Variants in ROBO2 observed in about 807,000 individuals in gnomAD.
ROBO2 encodes the protein roundabout guidance receptor 2.
ROBO2 carries 53 observed loss-of-function variants against 160.8 expected under a neutral mutation model. The ratio of observed to expected loss-of-function variants is 0.33; its 90% CI spans 0.26 to 0.41. The LOEUF is 0.41. ROBO2 is among the 10% of genes least tolerant of loss of function. ROBO2 has a pLI of 1.00. For synonymous variants in ROBO2, 664 were observed against 611.7 expected, an observed-to-expected ratio of 1.09 and a Z score of -1.26; for missense variants, 1,577 against 1,722.4, an observed-to-expected ratio of 0.92 and a Z score of 1.49.
At position 76,434,819 on chromosome 3, in the gene ROBO2, T is replaced by C. The variant is rs529320932; in HGVS notation, c.109+497217T>C. 5.0e-5 allele frequency: 77 copies of C among 1,526,822 alleles called. No homozygotes were observed. In the East Asian group the frequency reaches 1.7e-3, roughly 33 times the overall value. 94.6% of individuals were successfully genotyped at this position (1,526,822 alleles called of 1,614,324 possible). A position where few individuals can be genotyped will look rare whatever the true frequency, so the allele number is the denominator to read the frequency against. On this transcript the variant is annotated intron_variant, in intron 2 of 26. Transcript: ENST00000487694. ...AGAGCATCACACATGCCCTGAATCA[T>C]GTATCTGATGACATGAAGACTCACA...
At chr3:77,002,741 T>C (rs984982773) in intron 2 of ROBO2, among the ~76,000 whole-genome samples, 1 of 152,182 alleles carries the variant, frequency 6.6e-6, no homozygotes, top group Non-Finnish European at 1.5e-5. Flanking sequence ...TAGATAATTA[T>C]TAATTTAATT....
At chr3:76,598,646 C>T (rs574276930) in intron 2 of ROBO2, among the ~76,000 whole-genome samples, 9 of 151,988 alleles carry the variant, frequency 5.9e-5, no homozygotes, top group South Asian at 2.1e-4. Context: ...TTCAATTAAG[C>T]GTGTCAATCA....
At chr3:77,547,419 T>C (rs775807714) in intron 7 of ROBO2, among the ~76,000 whole-genome samples, 1 of 152,094 alleles carries the variant, frequency 6.6e-6, no homozygotes, top group Non-Finnish European at 1.5e-5. Flanking sequence ...AGAATTTCCT[T>C]GGGAATAATG....
intron 2 of ROBO2, among the ~76,000 whole-genome samples, chr3:77,133,940 C>T (rs554291617): frequency 1.7e-4 from 26 of 152,256 alleles, no homozygotes; most frequent in African/African-American, 6.0e-4. Flanking sequence ...GAAGTTTATT[C>T]TGTTTTATTT....
At chr3:76,940,758 G>A (rs1329899633) in intron 2 of ROBO2, among the ~76,000 whole-genome samples, 1 of 152,134 alleles carries the variant, frequency 6.6e-6, no homozygotes, top group East Asian at 1.9e-4. Flanking sequence ...ATTGCACAAT[G>A]TATACATTTA....
intron 2 of ROBO2, among the ~76,000 whole-genome samples, chr3:76,809,003 T>C (rs887015598): frequency 3.3e-5 from 5 of 152,158 alleles, no homozygotes; most frequent in African/African-American, 1.2e-4. Flanking sequence ...CGTCTACGCA[T>C]CAGAATTACA....
At chr3:77,540,301 G>A (rs1172770159) in intron 6 of ROBO2, among the ~76,000 whole-genome samples, 2 of 152,104 alleles carry the variant, frequency 1.3e-5, no homozygotes, top group African/African-American at 2.4e-5. Flanking sequence ...AAATAATAGC[G>A]TTAAAGTTCT....
intron 1 of ROBO2, among the ~76,000 whole-genome samples, chr3:77,049,687 C>T (rs1466003079): frequency 1.3e-5 from 2 of 152,136 alleles, no homozygotes; most frequent in African/African-American, 2.4e-5. Context: ...GGTTAACAGC[C>T]ACTTTTTAAT....
chr3:76,403,416 C>A (rs2077958945), intron 2 of ROBO2, among the ~76,000 whole-genome samples: 1 of 151,516 alleles, frequency 6.6e-6, no homozygotes, highest in African/African-American at 2.4e-5. Context: ...CCAAGAGAGG[C>A]ATTCATTCTT....
intron 2 of ROBO2, among the ~76,000 whole-genome samples, chr3:76,955,886 G>C (rs2079216366): frequency 1.8e-5 from 2 of 108,696 alleles, no homozygotes; most frequent in Middle Eastern, 5.2e-3. Flanking sequence ...GTGAGACTCC[G>C]TCAAAAAAAA....
intron 2 of ROBO2, among the ~76,000 whole-genome samples, chr3:76,914,259 G>T (rs2076176386): frequency 6.6e-6 from 1 of 152,090 alleles, no homozygotes. Context: ...CATCTACCAA[G>T]GTTATCAGCA....
At chr3:77,536,940 G>A (rs550789957) in intron 6 of ROBO2, among the ~76,000 whole-genome samples, 20 of 152,180 alleles carry the variant, frequency 1.3e-4, no homozygotes, top group Admixed American at 5.2e-4. Context: ...TTTGAACTGA[G>A]TTAACTCTTT....
chr3:76,638,125 G>T (rs2109612265), intron 2 of ROBO2, among the ~76,000 whole-genome samples: 1 of 152,248 alleles, frequency 6.6e-6, no homozygotes. Context: ...TTTCAACTTT[G>T]TTCAAATGAA....
chr3:76,616,068 T>C (rs188082643), intron 2 of ROBO2, among the ~76,000 whole-genome samples: 51 of 152,312 alleles, frequency 3.3e-4, no homozygotes, highest in African/African-American at 1.2e-3. Context: ...ACTGCTCTCT[T>C]AGGATATGCT....
chr3:75,946,365 A>G (rs1364734768), intron 2 of ROBO2, among the ~76,000 whole-genome samples: 2 of 152,116 alleles, frequency 1.3e-5, no homozygotes. Context: ...TAGAAAGCCT[A>G]CCAGGCACTA....
At chr3:76,255,497 A>T (rs971283950) in intron 2 of ROBO2, among the ~76,000 whole-genome samples, 2 of 152,070 alleles carry the variant, frequency 1.3e-5, no homozygotes, top group African/African-American at 4.8e-5. Flanking sequence ...ATCCTCAGGA[A>T]CTGGTCTCCA....
At chr3:77,089,524 T>C (rs78401996) in intron 1 of ROBO2, among the ~76,000 whole-genome samples, 8,341 of 152,254 alleles carry the variant, frequency 0.055, 751 homozygotes, top group African/African-American at 0.19. Context: ...AAAAGTTATT[T>C]TGAAATTTTT....
chr3:77,322,361 C>A (rs755777279), intron 2 of ROBO2, among the ~76,000 whole-genome samples: 2 of 152,088 alleles, frequency 1.3e-5, no homozygotes, highest in African/African-American at 4.8e-5. Flanking sequence ...TGAGAAAGTT[C>A]GCTTCAACAG....
chr3:76,092,426 C>T (rs558214767), intron 2 of ROBO2, among the ~76,000 whole-genome samples: 2 of 152,112 alleles, frequency 1.3e-5, no homozygotes, highest in African/African-American at 4.8e-5. Flanking sequence ...TCTGGTATGT[C>T]ATTTTCTCTT....
Sources: gnomAD v4.1 joint callset for allele counts (sites outside exome capture counted in the v4.1 genomes callset) on GRCh38, gnomAD v4.1.1 for gene constraint, MANE v1.5 for transcripts, NCBI Gene and HGNC (gene_info 2026-07-23, HGNC 2026-07-21) for gene names.